The following PCDHGA9 variants were observed in gnomAD, a reference collection of about 807,000 sequenced individuals.
The protein encoded by PCDHGA9 is protocadherin gamma-A9.
A neutral mutation model predicts 62.5 loss-of-function variants in PCDHGA9; 37 were observed. The observed-to-expected ratio is 0.59, with a 90% CI of 0.46 to 0.78. The LOEUF is 0.78. Ranked by LOEUF, PCDHGA9 falls within the 30% of genes least tolerant of loss-of-function variation. The pLI is 0.00. For synonymous variants in PCDHGA9, 459 were observed against 484.6 expected (o/e 0.95, Z 0.69); for missense variants, 1,138 against 1,166.2 (o/e 0.98, Z 0.35).
In PCDHGA9 at chr5:141,476,351, G is replaced by A; in HGVS notation, c.2425-18456G>A. The A allele has an allele frequency of 1.2e-6, 2 of 1,614,182 alleles. No individual in the cohort carries two copies. The highest frequency in any genetic ancestry group is 1.7e-6 in the Non-Finnish European group (2 of 1,180,046). ...TGGAGCTAGCCGAAGATTCTTTGAG[G>A]TGAACCGGGAGACCGGAGAGATGTT... On this transcript the variant is annotated intron_variant, in intron 1 of 3. Coordinates refer to ENST00000573521, the MANE Select transcript of PCDHGA9 (RefSeq NM_018921.3). This position sits in a 1 kb window ranked among gnomAD's most constrained non-coding sequence, Gnocchi z 7.6.
intron 3 of PCDHGA9, among the ~76,000 whole-genome samples, chr5:141,509,056 G>A (rs1303823294): frequency 1.3e-5 from 2 of 152,178 alleles, no homozygotes; most frequent in Admixed American, 6.5e-5. Context: ...CCCCCAGAAA[G>A]CTCTCAGCTC....
At chr5:141,440,912 G>T (rs1281398967) in intron 1 of PCDHGA9, 1 of 152,254 alleles carries the variant, frequency 6.6e-6, no homozygotes, top group Admixed American at 6.5e-5. Context: ...GGGCACTCCT[G>T]TGCTGAGAGT....
chr5:141,509,684 C>G (rs572295300), intron 3 of PCDHGA9, among the ~76,000 whole-genome samples: 139 of 152,310 alleles, frequency 9.1e-4, no homozygotes, highest in Admixed American at 3.7e-3. Flanking sequence ...TTCTTCTGTA[C>G]AGTGGGACGT....
intron 1 of PCDHGA9, among the ~76,000 whole-genome samples, chr5:141,473,466 G>A (rs1217251844): frequency 1.3e-5 from 2 of 151,738 alleles, no homozygotes; most frequent in East Asian, 1.9e-4. Flanking sequence ...TTAAAGTTGT[G>A]CCAAGTTCAA....
chr5:141,427,829 G>C, intron 1 of PCDHGA9: 1 of 1,538,520 alleles, frequency 6.5e-7, no homozygotes. Flanking sequence ...TGGTCGCGCA[G>C]CGTGCCTTCG....
intron 1 of PCDHGA9, among the ~76,000 whole-genome samples, chr5:141,460,961 A>ATATG (rs1463306338): frequency 3.5e-5 from 5 of 144,556 alleles, no homozygotes; most frequent in African/African-American, 1.3e-4. Flanking sequence ...GTATATATAT[A>ATATG]TGTGTGTGTG....
At position 141,491,052 on chromosome 5, in the gene PCDHGA9, G is replaced by A. The variant is rs2099707642; in HGVS notation, c.2425-3755G>A. ...ATGCTGATGCAGGCCACAATGCGTG[G>A]CTCTCCTACTCACTGTTGCCACAGT... On this transcript the variant is annotated intron_variant, in intron 1 of 3. Transcript: ENST00000573521. The surrounding 1 kb of genome is among the most constrained non-coding windows in gnomAD (Gnocchi z 6.9). 3.1e-6 allele frequency: 5 copies of A among 1,614,038 alleles called. No individual in the cohort carries two copies. The highest frequency in any genetic ancestry group is 4.2e-6 in the Non-Finnish European group (5 of 1,180,032).
At chr5:141,438,396 ACT>A (rs2097958956) in intron 1 of PCDHGA9, among the ~76,000 whole-genome samples, 2 of 150,930 alleles carry the variant, frequency 1.3e-5, no homozygotes, top group African/African-American at 4.9e-5. Context: ...TTCATCATTA[ACT>A]CTCTGAAGTA....
intron 1 of PCDHGA9, among the ~76,000 whole-genome samples, chr5:141,474,726 A>G (rs549082085): frequency 6.6e-6 from 1 of 152,358 alleles, no homozygotes; most frequent in South Asian, 2.1e-4. Flanking sequence ...AAAGGACTCT[A>G]TGCAATCAAA....
chr5:141,428,050 T>C (rs1222417053), intron 1 of PCDHGA9: 1 of 1,608,844 alleles, frequency 6.2e-7, no homozygotes, highest in Non-Finnish European at 8.5e-7. Flanking sequence ...GTGACCAAGG[T>C]GGTGGCGGTG....
intron 1 of PCDHGA9, among the ~76,000 whole-genome samples, chr5:141,463,209 A>G (rs1189251811): frequency 6.6e-6 from 1 of 152,140 alleles, no homozygotes; most frequent in African/African-American, 2.4e-5. Flanking sequence ...TTGGGGATCC[A>G]TATTAATATT....
At position 141,470,736 on chromosome 5, in the gene PCDHGA9, C is replaced by T. The variant is rs541510544; in HGVS notation, c.2425-24071C>T. ...TTTTTGAGTCAGGGTCTTGCTCTGT[C>T]GCCCTGGCTGGAGTGCAGTGGACTC... On this transcript the variant is annotated intron_variant, in intron 1 of 3. Coordinates refer to ENST00000573521, the MANE Select transcript of PCDHGA9 (RefSeq NM_018921.3). Among the ~76,000 whole-genome samples, 104 of 152,208 alleles carry T rather than the reference C, an allele frequency of 6.8e-4. 2 individuals carry two copies. Among genetic ancestry groups the T allele is most frequent in the African/African-American group, 2.4e-3 (98 of 41,522 alleles).
At chr5:141,420,256 TAAG>T (rs749213635) in intron 1 of PCDHGA9, 12 of 1,569,010 alleles carry the variant, frequency 7.6e-6, no homozygotes, top group South Asian at 1.2e-5. Context: ...TTGAAGCAGA[TAAG>T]AAGATTCTTA....
chr5:141,485,827 G>A lies in PCDHGA9; in HGVS notation c.2425-8980G>A. 1 of 1,614,154 alleles carries A rather than the reference G, an allele frequency of 6.2e-7. No individual in the cohort carries two copies. The highest frequency in any genetic ancestry group is 1.1e-5 in the South Asian group (1 of 91,080). On this transcript the variant is annotated intron_variant, in intron 1 of 3. Coordinates refer to ENST00000573521, the MANE Select transcript of PCDHGA9 (RefSeq NM_018921.3). The surrounding 1 kb of genome is among the most constrained non-coding windows in gnomAD (Gnocchi z 5.7). Reference sequence around the variant, plus strand: ...TGGTGCTGACTGCTGTCGATGGAGGGAACCCGCCGAGATCTGGCACCGCAG... The same window carrying A: ...TGGTGCTGACTGCTGTCGATGGAGGAAACCCGCCGAGATCTGGCACCGCAG...
Position 141,493,957 on chromosome 5 carries a change from G to A in PCDHGA9, c.2425-850G>A, listed in dbSNP as rs1360777586. 6.6e-6 allele frequency among the ~76,000 whole-genome samples: 1 copy of A among 152,228 alleles called. No individual in the cohort carries two copies. The highest frequency in any genetic ancestry group is 2.4e-5 in the African/African-American group (1 of 41,458). On this transcript the variant is annotated intron_variant, in intron 1 of 3. Coordinates refer to ENST00000573521, the MANE Select transcript of PCDHGA9 (RefSeq NM_018921.3). This position sits in a 1 kb window ranked among gnomAD's most constrained non-coding sequence, Gnocchi z 4.3. ...AGACCAGAAGGGACTCAGGAATGAA[G>A]TGGCTGGCCAGAGCCCCACACCTTC... is the stretch of plus-strand genomic sequence containing the variant.
At chr5:141,440,558 T>C (rs546919141) in intron 1 of PCDHGA9, 1 of 152,350 alleles carries the variant, frequency 6.6e-6, no homozygotes, top group East Asian at 1.9e-4. Context: ...TGTTATTAAG[T>C]TACGTATCTC....
chr5:141,429,169 T>TACACACACACACACAC (rs10667977), intron 1 of PCDHGA9: 2 of 145,394 alleles, frequency 1.4e-5, no homozygotes, highest in East Asian at 2.0e-4. Flanking sequence ...ACATTGTTTA[T>TACACACACACACACAC]ACACACACAC....
intron 1 of PCDHGA9, among the ~76,000 whole-genome samples, chr5:141,465,307 T>C (rs2099100636): frequency 6.6e-6 from 1 of 152,218 alleles, no homozygotes; most frequent in Non-Finnish European, 1.5e-5. Context: ...CCTGGGAATT[T>C]AGCCATGTCA....
At chr5:141,500,252 A>G (rs2099798400) in intron 2 of PCDHGA9, among the ~76,000 whole-genome samples, 1 of 151,094 alleles carries the variant, frequency 6.6e-6, no homozygotes, top group East Asian at 1.9e-4. Flanking sequence ...TCTGTCACCC[A>G]GGCTGGACTG....
Sources: gnomAD v4.1 joint callset for allele counts (sites outside exome capture counted in the v4.1 genomes callset) on GRCh38, gnomAD v4.1.1 for gene constraint, Gnocchi (gnomAD v3.1) non-coding constraint, MANE v1.5 for transcripts, NCBI Gene and HGNC (gene_info 2026-07-23, HGNC 2026-07-21) for gene names.